The following PIGQ variants were observed in gnomAD, a reference collection of about 807,000 sequenced individuals.
The protein encoded by PIGQ is phosphatidylinositol N-acetylglucosaminyltransferase subunit Q.
In PIGQ, 54 loss-of-function variants were observed where a neutral mutation model predicts 60.3. The ratio of observed to expected loss-of-function variants is 0.90; its 90% CI spans 0.72 to 1.12. The LOEUF (loss-of-function observed/expected upper bound fraction) is 1.12. Among genes scored for constraint, PIGQ ranks in the 50% most tolerant of loss-of-function variants. The pLI, the probability that PIGQ is intolerant of heterozygous loss-of-function variation, is 0.00. For missense variants in PIGQ, 799 were observed against 793.5 expected (o/e 1.01, Z -0.08); for synonymous variants, 416 against 363.7 (o/e 1.14, Z -1.64).
In PIGQ at chr16:582,950, A is replaced by G. The variant is rs2035836426; in HGVS notation, c.1661A>G (p.Lys554Arg). Reference protein sequence around the residue: ...YRLPSCGCHPKHSWGALCRKL... With the variant: ...YRLPSCGCHPRHSWGALCRKL... Reference sequence around the variant, plus strand: ...CTCCCCAGCTGTGGCTGCCACCCCAAGCACTCCTGGGGCGCCCTGTGCCGC... The same window carrying G: ...CTCCCCAGCTGTGGCTGCCACCCCAGGCACTCCTGGGGCGCCCTGTGCCGC... Residue 554 changes from lysine (K) to arginine (R), a missense_variant, in exon 11 of 11, where the codon AAG becomes AGG. Lys to Arg is a conservative substitution (Grantham distance 26). Coordinates refer to ENST00000321878, the MANE Select transcript of PIGQ (RefSeq NM_004204.5). The G allele has an allele frequency of 6.2e-7, 1 of 1,612,732 alleles. No individual in the cohort carries two copies. Among genetic ancestry groups the G allele is most frequent in the South Asian group, 1.1e-5 (1 of 91,076 alleles).
In PIGQ at chr16:578,454, C is replaced by G; in HGVS notation, c.1018C>G (p.Leu340Val). 1 of 1,612,762 alleles carries G rather than the reference C, an allele frequency of 6.2e-7. No homozygotes were observed. Among genetic ancestry groups the G allele is most frequent in the South Asian group, 1.1e-5 (1 of 91,092 alleles). The change falls in exon 5 of 11, where the codon CTG (leucine) becomes GTG (valine). Residue 340 changes from leucine to valine, a missense_variant. Physicochemically the swap from Leu to Val is conservative, Grantham distance 32 (BLOSUM62 1). Transcript: ENST00000321878. ...CGCCGGGCTCAAGATGAACCGTGCA[C>G]TGGACCAGGTGCTGGGCCGCTTCTT... ...APAGLKMNRALDQVLGRFFLY... is the reference protein window; with the variant it reads ...APAGLKMNRAVDQVLGRFFLY...
intron 2 of PIGQ, among the ~76,000 whole-genome samples, chr16:575,438 G>A (rs899021775): frequency 1.3e-5 from 2 of 152,180 alleles, no homozygotes; most frequent in East Asian, 1.9e-4. Context: ...CCTTAGACCC[G>A]GGGGTGCATA....
chr16:579,260 A>G, intron 7 of PIGQ, 80 bp downstream of exon 7: 1 of 1,123,386 alleles, frequency 8.9e-7, no homozygotes, highest in Non-Finnish European at 1.3e-6. Context: ...CTTGGGCACC[A>G]CAAGGGGGCA....
chr16:580,078 C>A, intron 7 of PIGQ, 105 bp from the exon 8 acceptor site: 1 of 774,790 alleles, frequency 1.3e-6, no homozygotes, highest in Non-Finnish European at 2.0e-6. Flanking sequence ...CCTCAGGAAG[C>A]CGCAAGGTCC....
chr16:573,541 C>T (rs1470079257), intron 1 of PIGQ, among the ~76,000 whole-genome samples: 2 of 152,208 alleles, frequency 1.3e-5, no homozygotes, highest in Non-Finnish European at 2.9e-5. Context: ...TTCCACAGCC[C>T]AGCAGCACAT....
chr16:581,760 C>CATT (rs2035812640), intron 9 of PIGQ: 4 of 82,942 alleles, frequency 4.8e-5, no homozygotes, highest in Non-Finnish European at 8.7e-5. Flanking sequence ...CCGTGCCCGG[C>CATT]TTTTTTTTTT....
At position 583,882 on chromosome 16, in the gene PIGQ, C is replaced by T. The variant is rs1185784079; in HGVS notation, c.*847C>T. 1.9e-5 allele frequency: 11 copies of T among 574,790 alleles called. No individual in the cohort carries two copies. Among genetic ancestry groups the T allele is most frequent in the African/African-American group, 9.3e-5 (5 of 53,476 alleles). The allele number at this position is 574,790 out of a possible 1,614,324, so 35.6% of individuals were successfully genotyped here. On this transcript the variant is annotated 3_prime_UTR_variant, in exon 11 of 11. Coordinates refer to ENST00000321878, the MANE Select transcript of PIGQ (RefSeq NM_004204.5). Reference sequence around the variant, plus strand: ...GGGGAGGGGGCCGTGGCACTGAGGCCGAAAGTGCCTGCCAGACGGCACGGT... The same window carrying T: ...GGGGAGGGGGCCGTGGCACTGAGGCTGAAAGTGCCTGCCAGACGGCACGGT...
chr16:571,066 T>TCTGCCTA (rs2035611119), intron 1 of PIGQ, among the ~76,000 whole-genome samples: 1 of 15,580 alleles, frequency 6.4e-5, no homozygotes, highest in Non-Finnish European at 1.2e-4. Flanking sequence ...TGTGTGTGTG[T>TCTGCCTA]GTGTGTGTGT....
Position 582,996 on chromosome 16 carries a change from C to T in PIGQ, c.1707C>T (p.Leu569=). 6.2e-7 allele frequency: 1 copy of T among 1,613,106 alleles called. No individual in the cohort carries two copies. Among genetic ancestry groups the T allele is most frequent in the Non-Finnish European group, 8.5e-7 (1 of 1,179,980 alleles). ...ALCRKLFLGE[L]IYPWRQRGDK... is the part of the protein sequence containing the mutation. Reference sequence around the variant, plus strand: ...GCCGCAAGCTGTTCCTTGGGGAGCTCATCTACCCCTGGAGGCAGAGAGGGG... The same window carrying T: ...GCCGCAAGCTGTTCCTTGGGGAGCTTATCTACCCCTGGAGGCAGAGAGGGG... The change falls in exon 11 of 11, where the codon CTC becomes CTT. Residue 569 remains leucine, a synonymous_variant. Coordinates refer to ENST00000321878, the MANE Select transcript of PIGQ (RefSeq NM_004204.5).
At chr16:572,431 C>G in intron 1 of PIGQ, 1 of 438,666 alleles carries the variant, frequency 2.3e-6, no homozygotes, top group South Asian at 1.6e-5. Context: ...GGGAGGAGAG[C>G]AGCTGCACCA....
rs753193536 is a variant in PIGQ, at chr16:583,198, T to G, written c.*163T>G. Reference sequence around the variant, plus strand: ...TATCACACCTTGGGCTTGGAGGTCATTGGGAGTGAGCAGATGTGGGGGTGG... The same window carrying G: ...TATCACACCTTGGGCTTGGAGGTCAGTGGGAGTGAGCAGATGTGGGGGTGG... On this transcript the variant is annotated 3_prime_UTR_variant, in exon 11 of 11. Coordinates refer to ENST00000321878, the MANE Select transcript of PIGQ (RefSeq NM_004204.5). 1.2e-6 allele frequency: 2 copies of G among 1,613,246 alleles called. No individual in the cohort carries two copies. The highest frequency in any genetic ancestry group is 1.7e-6 in the Non-Finnish European group (2 of 1,179,992).
chr16:580,387 T>A, intron 8 of PIGQ, 124 bp downstream of exon 8: 2 of 707,768 alleles, frequency 2.8e-6, no homozygotes, highest in Non-Finnish European at 4.8e-6. Context: ...GGGTGGCCTT[T>A]CAGGACCCTC....
intron 2 of PIGQ, among the ~76,000 whole-genome samples, chr16:574,978 G>A (rs537758248): frequency 1.3e-5 from 2 of 152,346 alleles, no homozygotes; most frequent in African/African-American, 4.8e-5. Flanking sequence ...AGGTCTCTGG[G>A]CAGCCTCAGG....
In PIGQ at chr16:574,381, A is replaced by G. The variant is rs1296655450; in HGVS notation, c.307A>G (p.Thr103Ala). The G allele has an allele frequency of 6.2e-7, 1 of 1,610,516 alleles. No individual in the cohort carries two copies. Among genetic ancestry groups the G allele is most frequent in the Non-Finnish European group, 8.5e-7 (1 of 1,179,360 alleles). ...WLRLCRERGG[T>A]FWSCEATHRQ... Reference sequence around the variant, plus strand: ...GCGGCTGTGCCGGGAGAGAGGCGGCACGTTCTGGAGCTGCGAGGCCACCCA... The same window carrying G: ...GCGGCTGTGCCGGGAGAGAGGCGGCGCGTTCTGGAGCTGCGAGGCCACCCA... Residue 103 changes from threonine to alanine, a missense_variant, in exon 2 of 11, where the codon ACG becomes GCG. Physicochemically the swap from Thr to Ala is moderately conservative, Grantham distance 58. Coordinates refer to ENST00000321878, the MANE Select transcript of PIGQ (RefSeq NM_004204.5).
chr16:583,397 G>A lies in PIGQ; in HGVS notation c.*362G>A, dbSNP rs754977306. 2.5e-6 allele frequency: 4 copies of A among 1,612,798 alleles called. No homozygotes were observed. Among genetic ancestry groups the A allele is most frequent in the Non-Finnish European group, 3.4e-6 (4 of 1,179,968 alleles). On this transcript the variant is annotated 3_prime_UTR_variant, in exon 11 of 11. Transcript: ENST00000321878. ...TCCGTCCACCACAGCAGCCCCAGGTGGAGGGCTGGTCTCCCTGGGGGCTCC... is the reference window on the plus strand; with the variant it reads ...TCCGTCCACCACAGCAGCCCCAGGTAGAGGGCTGGTCTCCCTGGGGGCTCC...
chr16:580,298 A>G (rs756027031), intron 8 of PIGQ, 35 bp downstream of exon 8: 15 of 1,523,676 alleles, frequency 9.8e-6, no homozygotes, highest in African/African-American at 1.4e-5. Context: ...GCCTGGCTGC[A>G]GTGCTCTGTG....
chr16:578,246 C>T (rs2035751512), intron 4 of PIGQ, 133 bp from the exon 5 acceptor site: 1 of 887,632 alleles, frequency 1.1e-6, no homozygotes, highest in Non-Finnish European at 1.7e-6. Context: ...CGTGTGCTGT[C>T]CACGCTAGGA....
chr16:581,235 G>A lies in PIGQ; in HGVS notation c.1531+263G>A, dbSNP rs540511547. ...TGGAGACCTGAGGCCACAGGCCTTT[G>A]TTCTTCTGCCTTGGGATTTTCTGGG... On this transcript the variant is annotated intron_variant, in intron 9 of 10. Coordinates refer to ENST00000321878, the MANE Select transcript of PIGQ (RefSeq NM_004204.5). 193 of 1,418,362 alleles carry A rather than the reference G, an allele frequency of 1.4e-4. No homozygotes were observed. The African/African-American group carries it at 2.1e-3, about 15-fold the overall frequency. 87.9% of individuals were successfully genotyped at this position (1,418,362 alleles called of 1,614,324 possible). A position where few individuals can be genotyped will look rare whatever the true frequency, so the allele number is the denominator to read the frequency against.
Position 584,090 on chromosome 16 carries a change from A to C in PIGQ, c.*1055A>C. On this transcript the variant is annotated 3_prime_UTR_variant, in exon 11 of 11. Coordinates refer to ENST00000321878, the MANE Select transcript of PIGQ (RefSeq NM_004204.5). ...GAAGCCGTCAGCTGCTGTGACAATA[A>C]AACCTGCCCCGTGTCTGGAGCGCAG... 1 of 283,732 alleles carries C rather than the reference A, an allele frequency of 3.5e-6. No homozygotes were observed. The highest frequency in any genetic ancestry group is 7.0e-6 in the Non-Finnish European group (1 of 142,192). The allele number at this position is 283,732 out of a possible 1,614,324, so 17.6% of individuals were successfully genotyped here.
Sources: gnomAD v4.1 joint callset for allele counts (sites outside exome capture counted in the v4.1 genomes callset) on GRCh38, gnomAD v4.1.1 for gene constraint, MANE v1.5 for transcripts, NCBI Gene and HGNC (gene_info 2026-07-23, HGNC 2026-07-21) for gene names.